KLC1: variants seen among roughly 807,000 people sequenced by gnomAD.
KLC1 encodes the protein kinesin light chain 1.
Under a neutral mutation model 84.2 loss-of-function variants are expected in KLC1, and 30 were observed. That is an observed-to-expected ratio of 0.36 (90% CI 0.27 to 0.48). The LOEUF (loss-of-function observed/expected upper bound fraction) is 0.48, where lower values mean the gene tolerates loss of function less well. KLC1 is among the 20% of genes least tolerant of loss of function. The pLI is 0.99. For synonymous variants in KLC1, 289 were observed against 293.3 expected (o/e 0.99, Z 0.15); for missense variants, 499 against 805.4 (o/e 0.62, Z 4.60).
At chr14:103,672,365 C>A (rs949710892) in intron 7 of KLC1, among the ~76,000 whole-genome samples, 5 of 152,068 alleles carry the variant, frequency 3.3e-5, no homozygotes, top group African/African-American at 1.2e-4. Flanking sequence ...TGTGCCAGAC[C>A]CCTTTTTCGA....
chr14:103,670,421 C>T, intron 7 of KLC1, 138 bp downstream of exon 7: 1 of 546,174 alleles, frequency 1.8e-6, no homozygotes, highest in Non-Finnish European at 3.3e-6. Flanking sequence ...ACTGCAACCC[C>T]CACCTCCATG....
intron 1 of KLC1, among the ~76,000 whole-genome samples, chr14:103,640,261 T>C (rs924525235): frequency 2.0e-4 from 30 of 152,206 alleles, no homozygotes; most frequent in African/African-American, 6.7e-4. Context: ...GGTTTCACCA[T>C]GTTGACCAGG....
At chr14:103,636,277 A>G (rs1320035916) in intron 1 of KLC1, among the ~76,000 whole-genome samples, 1 of 152,054 alleles carries the variant, frequency 6.6e-6, no homozygotes, top group South Asian at 2.1e-4. Flanking sequence ...GCTGGAGTGC[A>G]GTGGCACGAT....
Position 103,701,245 on chromosome 14 carries a change from G to A in KLC1, c.*46G>A. 6.5e-7 allele frequency: 1 copy of A among 1,546,230 alleles called. No individual in the cohort carries two copies. The highest frequency in any genetic ancestry group is 8.7e-7 in the Non-Finnish European group (1 of 1,143,774). The stretch of plus-strand genomic sequence containing the variant: ...CTCCAGGATGGGACTGCCGAGTGTG[G>A]CCCGGAGCTGGCCCGGGACAGCCAG... On this transcript the variant is annotated 3_prime_UTR_variant, in exon 17 of 17. Transcript: ENST00000334553.
intron 15 of KLC1, chr14:103,697,016 A>AGGCGT: frequency 1.0e-6 from 1 of 985,462 alleles, no homozygotes; most frequent in Non-Finnish European, 1.2e-6. Context: ...CCGAGCTTCC[A>AGGCGT]GGCGTGTTTT....
chr14:103,672,935 C>G, intron 7 of KLC1, 79 bp from the exon 8 acceptor site: 1 of 1,297,570 alleles, frequency 7.7e-7, no homozygotes, highest in South Asian at 1.3e-5. Context: ...TGAGGAAGAT[C>G]CTGATGTGAC....
chr14:103,679,531 G>C lies in KLC1; in HGVS notation c.1636G>C (p.Val546Leu). The C allele has an allele frequency of 1.2e-6, 2 of 1,613,816 alleles. No individual in the cohort carries two copies. The highest frequency in any genetic ancestry group is 1.7e-6 in the Non-Finnish European group (2 of 1,179,740). Residue 546 changes from valine (V) to leucine (L), a missense_variant, in exon 13 of 17, where the codon GTA (valine) becomes CTA (leucine). Coordinates refer to ENST00000334553, the MANE Select transcript of KLC1 (RefSeq NM_001394837.1). ...CGGAGGGGAGGAAGTGAGTATGAGCGTAGAGTGGAACGGGGTAAGTACAGT... is the reference window on the plus strand; with the variant it reads ...CGGAGGGGAGGAAGTGAGTATGAGCCTAGAGTGGAACGGGGTAAGTACAGT... The part of the protein sequence containing the change: ...PDGGEEVSMS[V>L]EWNGDGTGSL...
At position 103,673,342 on chromosome 14, in the gene KLC1, A is replaced by G. The variant is rs1349248710; in HGVS notation, c.1172A>G (p.Tyr391Cys). The change falls in exon 9 of 17, where the codon TAT becomes TGT. Residue 391 changes from tyrosine (Y) to cysteine (C), a missense_variant. By Grantham distance (194) the Tyr-to-Cys change is radical. This residue lies in a region of KLC1 where 153 missense variants were observed against 332.4 expected (regional missense o/e 0.46). Coordinates refer to ENST00000334553, the MANE Select transcript of KLC1 (RefSeq NM_001394837.1). Reference sequence around the variant, plus strand: ...TTATTTTATTTTAAGGCATCCTGCTATTTGAAACAAGGAAAGTTCAAGCAA... The same window carrying G: ...TTATTTTATTTTAAGGCATCCTGCTGTTTGAAACAAGGAAAGTTCAAGCAA... ...AKTKNNLASC[Y>C]LKQGKFKQAE... 4.4e-6 allele frequency: 7 copies of G among 1,596,708 alleles called. No homozygotes were observed. Among genetic ancestry groups the G allele is most frequent in the Non-Finnish European group, 6.0e-6 (7 of 1,174,250 alleles).
intron 13 of KLC1, among the ~76,000 whole-genome samples, chr14:103,681,469 T>TC (rs202182824): frequency 5.9e-5 from 9 of 151,728 alleles, no homozygotes; most frequent in African/African-American, 1.9e-4. Flanking sequence ...GTACACTTTT[T>TC]CCCCCCCGAG....
At chr14:103,673,235 C>T (rs770737909) in intron 8 of KLC1, 48 bp downstream of exon 8, 1 of 1,576,522 alleles carries the variant, frequency 6.3e-7, no homozygotes, top group Non-Finnish European at 8.6e-7. Context: ...GTGCTTTCGT[C>T]CCAAGTCCAA....
intron 15 of KLC1, chr14:103,698,844 A>G: frequency 6.2e-7 from 1 of 1,607,306 alleles, no homozygotes; most frequent in Non-Finnish European, 8.5e-7. Context: ...TTCGGCACTG[A>G]TCGTGTAGGA....
intron 15 of KLC1, chr14:103,699,201 C>T: frequency 1.3e-6 from 2 of 1,553,930 alleles, no homozygotes; most frequent in Non-Finnish European, 1.7e-6. Flanking sequence ...CAGTCCAGGT[C>T]AGCTGCAACG....
In KLC1 at chr14:103,694,186, C is replaced by T; in HGVS notation, c.1848+1761C>T. 1 of 985,898 alleles carries T rather than the reference C, an allele frequency of 1.0e-6. No individual in the cohort carries two copies. The highest frequency in any genetic ancestry group is 1.2e-6 in the Non-Finnish European group (1 of 830,308). 61.1% of individuals were successfully genotyped at this position (985,898 alleles called of 1,614,324 possible). Reference sequence around the variant, plus strand: ...TGCCTGTGGCCCTGGGGCCCCATGCCCCCTTTTGAGCTGTGTTCTCCCGGA... The same window carrying T: ...TGCCTGTGGCCCTGGGGCCCCATGCTCCCTTTTGAGCTGTGTTCTCCCGGA... On this transcript the variant is annotated intron_variant, in intron 15 of 16. Transcript: ENST00000334553. This position sits in a 1 kb window ranked among gnomAD's most constrained non-coding sequence, Gnocchi z 4.5.
chr14:103,674,808 T>C (rs1401475464), intron 9 of KLC1, among the ~76,000 whole-genome samples: 1 of 152,224 alleles, frequency 6.6e-6, no homozygotes, highest in African/African-American at 2.4e-5. Context: ...ACATTCTGAA[T>C]ACTCCCTTGT....
chr14:103,666,880 G>A (rs1184019634), intron 5 of KLC1, among the ~76,000 whole-genome samples: 2 of 150,706 alleles, frequency 1.3e-5, no homozygotes, highest in African/African-American at 4.9e-5. Context: ...AGGTTCAAGC[G>A]ATTCTCCTGC....
intron 15 of KLC1, chr14:103,699,227 G>A (rs749728676): frequency 4.7e-5 from 72 of 1,543,504 alleles, no homozygotes; most frequent in Non-Finnish European, 5.8e-5. Flanking sequence ...GGGTCTTCTC[G>A]ATGGTTAGGC....
chr14:103,668,633 A>G (rs1567026572), intron 5 of KLC1, among the ~76,000 whole-genome samples: 1 of 151,810 alleles, frequency 6.6e-6, no homozygotes, highest in Non-Finnish European at 1.5e-5. Flanking sequence ...GCATGCTGCC[A>G]TGCCCGGCTA....
At chr14:103,697,519 CAG>C (rs2082648853) in intron 15 of KLC1, 1 of 152,224 alleles carries the variant, frequency 6.6e-6, no homozygotes, top group Non-Finnish European at 1.5e-5. Flanking sequence ...GGAGATGTAA[CAG>C]TACCTATCCC....
chr14:103,650,997 C>T (rs1383808066), intron 1 of KLC1, among the ~76,000 whole-genome samples: 2 of 151,716 alleles, frequency 1.3e-5, no homozygotes, highest in African/African-American at 4.9e-5. Context: ...CAGTCGTTTA[C>T]AGTTTTATAC....
Sources: gnomAD v4.1 joint callset for allele counts (sites outside exome capture counted in the v4.1 genomes callset) on GRCh38, gnomAD v4.1.1 for gene constraint, gnomAD v4.1.1 regional missense constraint, Gnocchi (gnomAD v3.1) non-coding constraint, MANE v1.5 for transcripts, NCBI Gene and HGNC (gene_info 2026-07-23, HGNC 2026-07-21) for gene names.